Variants in ETV6 observed in about 807,000 individuals in gnomAD.
ETV6 encodes the protein ETS variant transcription factor 6.
ETV6 carries 16 observed loss-of-function variants against 51.1 expected under a neutral mutation model. That is an observed-to-expected ratio of 0.31 (90% CI 0.21 to 0.48). ETV6 has a LOEUF of 0.48. Ranked by LOEUF, ETV6 falls within the 20% of genes least tolerant of loss-of-function variation. The pLI, the probability that ETV6 is intolerant of heterozygous loss-of-function variation, is 0.99. For missense variants in ETV6, 458 were observed against 594.8 expected (o/e 0.77, Z 2.39); for synonymous variants, 240 against 224.1 (o/e 1.07, Z -0.64).
At chr12:11,727,704 A>G (rs1295580571) in intron 1 of ETV6, among the ~76,000 whole-genome samples, 2 of 152,218 alleles carry the variant, frequency 1.3e-5, no homozygotes, top group Non-Finnish European at 2.9e-5. Context: ...GTTGCATCAC[A>G]GGCAGGGAAG....
chr12:11,746,790 C>CTTTTTTTTT (rs56135545), intron 1 of ETV6, among the ~76,000 whole-genome samples: 3 of 118,682 alleles, frequency 2.5e-5, no homozygotes, highest in Non-Finnish European at 3.5e-5. Context: ...CTCTCTCTCT[C>CTTTTTTTTT]TTTTTTTTTT....
chr12:11,716,533 T>C (rs1466100304), intron 1 of ETV6: 1 of 152,094 alleles, frequency 6.6e-6, no homozygotes, highest in Non-Finnish European at 1.5e-5. Context: ...TTGGCTGAAG[T>C]TGGTGGATGT....
chr12:11,841,433 T>A (rs1946389372), intron 3 of ETV6, among the ~76,000 whole-genome samples: 2 of 152,110 alleles, frequency 1.3e-5, no homozygotes. Context: ...ATGGGTGGGA[T>A]TGAGTAGGCA....
At chr12:11,676,327 C>G (rs571441437) in intron 1 of ETV6, among the ~76,000 whole-genome samples, 3 of 152,196 alleles carry the variant, frequency 2.0e-5, no homozygotes, top group East Asian at 3.9e-4. Flanking sequence ...TCTCCCTCCC[C>G]CAGTCCCAGA....
chr12:11,675,763 A>G (rs373809362), intron 1 of ETV6, among the ~76,000 whole-genome samples: 4 of 152,236 alleles, frequency 2.6e-5, no homozygotes, highest in African/African-American at 7.2e-5. Flanking sequence ...GCAGTGAGCT[A>G]TGATCATGCC....
chr12:11,765,579 C>T (rs1316738854), intron 2 of ETV6, among the ~76,000 whole-genome samples: 2 of 152,120 alleles, frequency 1.3e-5, no homozygotes, highest in Admixed American at 6.5e-5. Flanking sequence ...ATCTTATTCA[C>T]TTCAGCACAG....
At chr12:11,804,906 G>A (rs779872163) in intron 2 of ETV6, among the ~76,000 whole-genome samples, 10 of 152,174 alleles carry the variant, frequency 6.6e-5, no homozygotes, top group Non-Finnish European at 1.5e-4. Context: ...AAGAAATCCT[G>A]TGGGCTCCTC....
intron 1 of ETV6, chr12:11,751,439 C>T (rs762764813): frequency 1.2e-5 from 6 of 518,924 alleles, no homozygotes; most frequent in Non-Finnish European, 2.3e-5. Flanking sequence ...AAACCACAGA[C>T]ACTCCTGAAG....
intron 2 of ETV6, among the ~76,000 whole-genome samples, chr12:11,759,432 G>A (rs1398471832): frequency 7.9e-5 from 12 of 152,098 alleles, no homozygotes; most frequent in Non-Finnish European, 1.5e-5. Context: ...CTGGTGCTCT[G>A]TGTTATTTAT....
intron 1 of ETV6, among the ~76,000 whole-genome samples, chr12:11,731,283 A>C (rs1054671416): frequency 2.6e-5 from 4 of 152,156 alleles, no homozygotes; most frequent in African/African-American, 9.7e-5. Flanking sequence ...TTAAAGCAAA[A>C]ATTTTTGTAT....
At chr12:11,747,714 T>C (rs1398067539) in intron 1 of ETV6, among the ~76,000 whole-genome samples, 3 of 152,242 alleles carry the variant, frequency 2.0e-5, no homozygotes, top group Non-Finnish European at 4.4e-5. Flanking sequence ...AGTGTATTAC[T>C]TTAGGTTCTT....
chr12:11,887,238 AC>A (rs1361191682), intron 7 of ETV6, among the ~76,000 whole-genome samples: 1 of 151,968 alleles, frequency 6.6e-6, no homozygotes, highest in African/African-American at 2.4e-5. Context: ...CTTTCTTCCC[AC>A]TCTATACCTT....
At chr12:11,890,545 A>C (rs1005928717) in intron 7 of ETV6, among the ~76,000 whole-genome samples, 3 of 151,606 alleles carry the variant, frequency 2.0e-5, no homozygotes, top group Non-Finnish European at 4.4e-5. Context: ...CTCCCACCTC[A>C]GCCTCCCAAG....
chr12:11,715,517 C>T (rs1865257633), intron 1 of ETV6, among the ~76,000 whole-genome samples: 1 of 152,192 alleles, frequency 6.6e-6, no homozygotes, highest in Non-Finnish European at 1.5e-5. Flanking sequence ...AGGTAACTCA[C>T]CCAAGGTTTT....
intron 2 of ETV6, among the ~76,000 whole-genome samples, chr12:11,790,327 G>C (rs1157121292): frequency 6.6e-6 from 1 of 152,068 alleles, no homozygotes; most frequent in Non-Finnish European, 1.5e-5. Flanking sequence ...GGTGATCCCT[G>C]CATGTCTGCC....
chr12:11,652,220 C>G (rs1020024883), intron 1 of ETV6, among the ~76,000 whole-genome samples: 1 of 152,024 alleles, frequency 6.6e-6, no homozygotes, highest in Non-Finnish European at 1.5e-5. Context: ...CTTTATGGAA[C>G]GAGTATGTAT....
At chr12:11,708,970 T>C (rs1455783482) in intron 1 of ETV6, among the ~76,000 whole-genome samples, 1 of 152,180 alleles carries the variant, frequency 6.6e-6, no homozygotes, top group African/African-American at 2.4e-5. Flanking sequence ...AGCTCATGAA[T>C]GGAGAGACAG....
At position 11,656,163 on chromosome 12, in the gene ETV6, G is replaced by A. The variant is rs559814092; in HGVS notation, c.33+6003G>A. ...TACATTATCTCATTTACTCTTCACA[G>A]CTCTCTATGGATGCAGTTTTTCTCT... On this transcript the variant is annotated intron_variant, in intron 1 of 7. Coordinates refer to ENST00000396373, the MANE Select transcript of ETV6 (RefSeq NM_001987.5). Among the ~76,000 whole-genome samples, 3 of 152,184 alleles carry A rather than the reference G, an allele frequency of 2.0e-5. No homozygotes were observed. The East Asian group carries it at 5.8e-4, about 29-fold the overall frequency.
chr12:11,712,798 G>A (rs1177023334), intron 1 of ETV6, among the ~76,000 whole-genome samples: 3 of 152,084 alleles, frequency 2.0e-5, no homozygotes, highest in East Asian at 1.9e-4. Context: ...GGCAAATATC[G>A]GTGCCACGTC....
Sources: gnomAD v4.1 joint callset for allele counts (sites outside exome capture counted in the v4.1 genomes callset) on GRCh38, gnomAD v4.1.1 for gene constraint, MANE v1.5 for transcripts, NCBI Gene and HGNC (gene_info 2026-07-23, HGNC 2026-07-21) for gene names.